Variants in GRIN2A observed in about 807,000 individuals in gnomAD.
The protein encoded by GRIN2A is glutamate receptor ionotropic, NMDA 2A.
A neutral mutation model predicts 113.4 loss-of-function variants in GRIN2A; 22 were observed. That is an observed-to-expected ratio of 0.19 (90% CI 0.14 to 0.28). The LOEUF (loss-of-function observed/expected upper bound fraction) is 0.28. GRIN2A is among the 10% of genes least tolerant of loss of function. The pLI, the probability that GRIN2A is intolerant of heterozygous loss-of-function variation, is 1.00. For synonymous variants in GRIN2A, 827 were observed against 738.4 expected, an observed-to-expected ratio of 1.12 and a Z score of -1.94; for missense variants, 1,502 against 1,887.0, an observed-to-expected ratio of 0.80 and a Z score of 3.78.
intron 2 of GRIN2A, among the ~76,000 whole-genome samples, chr16:10,149,626 C>G (rs943602257): frequency 6.6e-6 from 1 of 152,178 alleles, no homozygotes; most frequent in African/African-American, 2.4e-5. Context: ...CATCCCCAAA[C>G]TGGTCAGTTT....
chr16:10,132,340 C>CAAAAAAAAAAAAAAAAAAAAAAAA lies in GRIN2A; in HGVS notation c.414+47657_414+47658insTTTTTTTTTTTTTTTTTTTTTTTT, dbSNP rs71402435. Among the ~76,000 whole-genome samples, 77 of 61,526 alleles carry CAAAAAAAAAAAAAAAAAAAAAAAA rather than the reference C, an allele frequency of 1.3e-3. 3 individuals carry two copies. Among genetic ancestry groups the CAAAAAAAAAAAAAAAAAAAAAAAA allele is most frequent in the African/African-American group, 1.8e-3 (30 of 16,812 alleles). 40.4% of individuals were successfully genotyped at this position (61,526 alleles called of 152,430 possible). On this transcript the variant is annotated intron_variant, in intron 2 of 12. Transcript: ENST00000330684. ...GAATGAGCAGAACAAGACACCGTCT[C>CAAAAAAAAAAAAAAAAAAAAAAAA]AAAAAAAAAAAAAAAAAAGATGTGA...
At chr16:9,983,210 A>G (rs1000538654) in intron 2 of GRIN2A, among the ~76,000 whole-genome samples, 3 of 152,210 alleles carry the variant, frequency 2.0e-5, no homozygotes, top group Admixed American at 6.5e-5. Context: ...ACTAGAACCT[A>G]TGCTTCCTGT....
intron 2 of GRIN2A, among the ~76,000 whole-genome samples, chr16:9,968,996 T>A (rs1358238851): frequency 6.6e-6 from 1 of 152,238 alleles, no homozygotes; most frequent in East Asian, 1.9e-4. Flanking sequence ...ATCATTTTAA[T>A]GTGCAATCAA....
At chr16:10,155,415 G>A (rs1052731874) in intron 2 of GRIN2A, among the ~76,000 whole-genome samples, 1 of 152,180 alleles carries the variant, frequency 6.6e-6, no homozygotes, top group Non-Finnish European at 1.5e-5. Flanking sequence ...GAAGCAGTGT[G>A]TCCCTCAGCA....
chr16:9,962,715 A>AC (rs2045467154), intron 2 of GRIN2A, among the ~76,000 whole-genome samples: 2 of 152,246 alleles, frequency 1.3e-5, no homozygotes, highest in African/African-American at 4.8e-5. Context: ...AAATCGGTAG[A>AC]TTGCTCAGGG....
At chr16:10,083,619 C>G (rs1456251737) in intron 2 of GRIN2A, among the ~76,000 whole-genome samples, 1 of 152,200 alleles carries the variant, frequency 6.6e-6, no homozygotes, top group Non-Finnish European at 1.5e-5. Flanking sequence ...AGCTGCTTCT[C>G]TTTACAATGT....
chr16:9,812,926 G>C (rs954926467), intron 10 of GRIN2A, among the ~76,000 whole-genome samples: 1 of 152,178 alleles, frequency 6.6e-6, no homozygotes, highest in Non-Finnish European at 1.5e-5. Flanking sequence ...GCTCTGAATT[G>C]TGCGGTAATC....
intron 12 of GRIN2A, among the ~76,000 whole-genome samples, chr16:9,767,609 A>T (rs956649413): frequency 6.6e-6 from 1 of 152,298 alleles, no homozygotes; most frequent in East Asian, 1.9e-4. Context: ...AACAAAACAA[A>T]AAAACAAACA....
At chr16:10,093,123 G>C (rs1030676679) in intron 2 of GRIN2A, among the ~76,000 whole-genome samples, 1 of 152,184 alleles carries the variant, frequency 6.6e-6, no homozygotes, top group Admixed American at 6.5e-5. Flanking sequence ...ACAGGCATGA[G>C]CCCCACGCCC....
chr16:9,810,879 G>A (rs2042073611), intron 10 of GRIN2A, among the ~76,000 whole-genome samples: 1 of 152,240 alleles, frequency 6.6e-6, no homozygotes, highest in Non-Finnish European at 1.5e-5. Context: ...ATGGGAGGAA[G>A]GAGGTGGGGC....
intron 2 of GRIN2A, among the ~76,000 whole-genome samples, chr16:9,965,308 C>T (rs9929154): frequency 0.3 from 46,370 of 152,080 alleles, 7,582 homozygotes; most frequent in African/African-American, 0.37. Context: ...CAAATGGCTA[C>T]AGCCTGGTGG....
intron 11 of GRIN2A, among the ~76,000 whole-genome samples, chr16:9,795,338 C>G (rs1217726970): frequency 6.6e-6 from 1 of 152,120 alleles, no homozygotes; most frequent in African/African-American, 2.4e-5. Flanking sequence ...AGCGCCATGA[C>G]AGTTTACAAA....
At chr16:9,972,504 A>G (rs1327221846) in intron 2 of GRIN2A, among the ~76,000 whole-genome samples, 1 of 152,180 alleles carries the variant, frequency 6.6e-6, no homozygotes, top group Non-Finnish European at 1.5e-5. Context: ...CTAACAATAC[A>G]CTTAATGAGG....
At chr16:9,992,063 A>G (rs1028902143) in intron 2 of GRIN2A, among the ~76,000 whole-genome samples, 2 of 152,242 alleles carry the variant, frequency 1.3e-5, no homozygotes, top group African/African-American at 4.8e-5. Context: ...AACTTAAAGT[A>G]TAATAATTAA....
chr16:9,817,801 G>T (rs1379643551), intron 10 of GRIN2A, among the ~76,000 whole-genome samples: 2 of 152,206 alleles, frequency 1.3e-5, no homozygotes, highest in East Asian at 3.9e-4. Flanking sequence ...ACGTGGCTTT[G>T]CTAGGCAGCA....
At chr16:10,098,826 A>G (rs1228128315) in intron 2 of GRIN2A, among the ~76,000 whole-genome samples, 1 of 152,128 alleles carries the variant, frequency 6.6e-6, no homozygotes, top group Non-Finnish European at 1.5e-5. Context: ...GTGAGGAATA[A>G]AAGACTACAA....
chr16:10,113,285 C>G lies in GRIN2A; in HGVS notation c.414+66713G>C, dbSNP rs1427914378. On this transcript the variant is annotated intron_variant, in intron 2 of 12. Coordinates refer to ENST00000330684, the MANE Select transcript of GRIN2A (RefSeq NM_001134407.3). ...TGCTTTCCTGGCTCTGCCTCTGGCTCTTCCCGGGCCGCTGCCCCCTCAGCC... is the reference window on the plus strand; with the variant it reads ...TGCTTTCCTGGCTCTGCCTCTGGCTGTTCCCGGGCCGCTGCCCCCTCAGCC... Among the ~76,000 whole-genome samples, 4 of 152,304 alleles carry G rather than the reference C, an allele frequency of 2.6e-5. No individual in the cohort carries two copies. The East Asian group carries it at 7.7e-4, about 29-fold the overall frequency.
chr16:9,789,490 T>A (rs77214393), intron 11 of GRIN2A, among the ~76,000 whole-genome samples: 2,595 of 152,090 alleles, frequency 0.017, 80 homozygotes, highest in African/African-American at 0.059. Context: ...ACGCCTGAAT[T>A]CCTGTCTGAG....
chr16:10,179,893 C>CCCCCA, intron 2 of GRIN2A, 105 bp downstream of exon 2: 1 of 719,818 alleles, frequency 1.4e-6, no homozygotes. Flanking sequence ...CCCCCACCCC[C>CCCCCA]ACTTCACATC....
Sources: gnomAD v4.1 joint callset for allele counts (sites outside exome capture counted in the v4.1 genomes callset) on GRCh38, gnomAD v4.1.1 for gene constraint, MANE v1.5 for transcripts, NCBI Gene and HGNC (gene_info 2026-07-23, HGNC 2026-07-21) for gene names.